The following PARP11 variants were observed in gnomAD, a reference collection of about 807,000 sequenced individuals.
The protein encoded by PARP11 is protein mono-ADP-ribosyltransferase PARP11.
PARP11 carries 31 observed loss-of-function variants against 42.9 expected under a neutral mutation model. The ratio of observed to expected loss-of-function variants is 0.72; its 90% CI spans 0.54 to 0.98. The LOEUF is 0.98. Ranked by LOEUF, PARP11 falls within the 50% of genes least tolerant of loss-of-function variation. PARP11 has a pLI of 0.00. For missense variants in PARP11, 365 were observed against 413.1 expected, an observed-to-expected ratio of 0.88 and a Z score of 1.01; for synonymous variants, 137 against 127.3, an observed-to-expected ratio of 1.08 and a Z score of -0.51.
chr12:3,857,554 A>G (rs976444094), intron 1 of PARP11, among the ~76,000 whole-genome samples: 12 of 152,172 alleles, frequency 7.9e-5, no homozygotes, highest in African/African-American at 2.7e-4. Context: ...ATACACATAT[A>G]AGTGTAAACT....
chr12:3,846,475 G>A (rs191624466), intron 1 of PARP11, among the ~76,000 whole-genome samples: 217 of 152,218 alleles, frequency 1.4e-3, no homozygotes, highest in African/African-American at 5.1e-3. Context: ...AGAAAACTTG[G>A]ATTGGGCGCA....
chr12:3,865,128 T>C (rs1948368182), intron 1 of PARP11, among the ~76,000 whole-genome samples: 1 of 152,132 alleles, frequency 6.6e-6, no homozygotes. Context: ...TACCTTAAAG[T>C]GTTATTTATT....
At chr12:3,850,383 C>CCA (rs1485785476) in intron 1 of PARP11, among the ~76,000 whole-genome samples, 2 of 152,170 alleles carry the variant, frequency 1.3e-5, no homozygotes, top group South Asian at 4.1e-4. Context: ...TTACATAAGG[C>CCA]CACAAGTGGA....
At chr12:3,855,745 T>A (rs1158105441) in intron 1 of PARP11, among the ~76,000 whole-genome samples, 1 of 152,164 alleles carries the variant, frequency 6.6e-6, no homozygotes, top group Non-Finnish European at 1.5e-5. Context: ...AAGCTACCAA[T>A]GACATTCTTC....
intron 1 of PARP11, among the ~76,000 whole-genome samples, chr12:3,853,348 TAA>T (rs1158753125): frequency 1.3e-5 from 2 of 152,094 alleles, no homozygotes; most frequent in Non-Finnish European, 2.9e-5. Flanking sequence ...GCAAATTGGA[TAA>T]AGAGTCAAGA....
intron 4 of PARP11, among the ~76,000 whole-genome samples, chr12:3,823,833 T>C (rs1947457888): frequency 6.6e-6 from 1 of 151,572 alleles, no homozygotes; most frequent in African/African-American, 2.4e-5. Context: ...GGAGAATCAC[T>C]TGAACCTGGG....
intron 2 of PARP11, among the ~76,000 whole-genome samples, 162 bp downstream of exon 2, chr12:3,829,728 G>A (rs1208958749): frequency 3.3e-5 from 5 of 152,172 alleles, no homozygotes; most frequent in Non-Finnish European, 7.4e-5. Flanking sequence ...GAAAAGAAAA[G>A]GAAAAGCACT....
chr12:3,840,141 T>A lies in PARP11; in HGVS notation c.19-10123A>T. 4 of 1,611,118 alleles carry A rather than the reference T, an allele frequency of 2.5e-6. No homozygotes were observed. The highest frequency in any genetic ancestry group is 3.4e-6 in the Non-Finnish European group (4 of 1,177,192). ...AAAAACGTGATTATTCCATTGCTGCTGGCTTACAATATGAAGTTGGAGACA... is the reference window on the plus strand; with the variant it reads ...AAAAACGTGATTATTCCATTGCTGCAGGCTTACAATATGAAGTTGGAGACA... On this transcript the variant is annotated intron_variant, in intron 1 of 7. Transcript: ENST00000228820. This position sits in a 1 kb window ranked among gnomAD's most constrained non-coding sequence, Gnocchi z 4.4.
chr12:3,865,061 T>C (rs116520483), intron 1 of PARP11, among the ~76,000 whole-genome samples: 1,759 of 152,308 alleles, frequency 0.012, 50 homozygotes, highest in African/African-American at 0.04. Flanking sequence ...TCCTACAAAT[T>C]TGATATGTTG....
chr12:3,851,630 C>T (rs1948096579), intron 1 of PARP11, among the ~76,000 whole-genome samples: 1 of 152,212 alleles, frequency 6.6e-6, no homozygotes, highest in South Asian at 2.1e-4. Flanking sequence ...GTGGAGCCCA[C>T]CGCAACTCAA....
intron 6 of PARP11, among the ~76,000 whole-genome samples, chr12:3,818,592 T>C (rs190749123): frequency 6.6e-6 from 1 of 152,346 alleles, no homozygotes; most frequent in East Asian, 1.9e-4. Flanking sequence ...ACATTAGCTG[T>C]CTTCTCACAT....
At chr12:3,862,801 C>T (rs1948320278) in intron 1 of PARP11, among the ~76,000 whole-genome samples, 1 of 152,036 alleles carries the variant, frequency 6.6e-6, no homozygotes, top group African/African-American at 2.4e-5. Context: ...TAACTTGATG[C>T]CAATACTACA....
At chr12:3,871,231 G>A (rs188102976) in intron 1 of PARP11, among the ~76,000 whole-genome samples, 7 of 152,314 alleles carry the variant, frequency 4.6e-5, no homozygotes, top group Admixed American at 4.6e-4. Flanking sequence ...GAAATTAGGG[G>A]TTATTAAAGT....
intron 4 of PARP11, chr12:3,824,613 C>T: frequency 1.0e-6 from 1 of 983,472 alleles, no homozygotes; most frequent in Non-Finnish European, 1.2e-6. Context: ...TATTATCTTG[C>T]TTATTGTCCT....
At chr12:3,851,927 A>G (rs1048656625) in intron 1 of PARP11, among the ~76,000 whole-genome samples, 4 of 152,222 alleles carry the variant, frequency 2.6e-5, no homozygotes, top group Admixed American at 6.5e-5. Flanking sequence ...AGGATCAGGC[A>G]GCAATATTTG....
At chr12:3,828,802 A>ATAT in intron 3 of PARP11, 108 bp downstream of exon 3, 1 of 944,304 alleles carries the variant, frequency 1.1e-6, no homozygotes, top group African/African-American at 1.7e-5. Context: ...AACAAAAAAG[A>ATAT]TATACTTCAC....
At chr12:3,870,871 T>C (rs1382130243) in intron 1 of PARP11, among the ~76,000 whole-genome samples, 2 of 152,242 alleles carry the variant, frequency 1.3e-5, no homozygotes, top group African/African-American at 4.8e-5. Context: ...ATGAAGGTTG[T>C]TGATGACAGA....
At chr12:3,862,987 A>G (rs1280264220) in intron 1 of PARP11, among the ~76,000 whole-genome samples, 1 of 152,174 alleles carries the variant, frequency 6.6e-6, no homozygotes, top group Non-Finnish European at 1.5e-5. Flanking sequence ...AACAATATTG[A>G]GTATTCCAAC....
At chr12:3,812,590 T>C (rs930108778) in intron 7 of PARP11, 151 bp from the exon 8 acceptor site, 5 of 639,580 alleles carry the variant, frequency 7.8e-6, no homozygotes, top group African/African-American at 7.3e-5. Context: ...AAGAGAAGAA[T>C]AGAAATCCAT....
Sources: allele counts gnomAD v4.1 joint callset (sites outside exome capture counted in the v4.1 genomes callset), GRCh38; gene constraint gnomAD v4.1.1; non-coding constraint Gnocchi (gnomAD v3.1); transcripts MANE v1.5; gene names NCBI Gene and HGNC (gene_info 2026-07-23, HGNC 2026-07-21).